Variants in PFKL observed in about 807,000 individuals in gnomAD.
PFKL encodes the protein ATP-dependent 6-phosphofructokinase, liver type.
PFKL carries 74 observed loss-of-function variants against 92.1 expected under a neutral mutation model. That is an observed-to-expected ratio of 0.80 (90% CI 0.67 to 0.97). PFKL has a LOEUF of 0.97. PFKL is among the 50% of genes least tolerant of loss of function. PFKL has a pLI of 0.00. For synonymous variants in PFKL, 494 were observed against 456.4 expected (o/e 1.08, Z -1.05); for missense variants, 1,028 against 1,116.6 (o/e 0.92, Z 1.13).
intron 7 of PFKL, chr21:44,314,968 CTCCCA>C (rs965922904): frequency 6.6e-6 from 1 of 152,250 alleles, no homozygotes; most frequent in African/African-American, 2.4e-5. Flanking sequence ...GGCAGCGTCA[CTCCCA>C]TCTGTGTGGA....
intron 1 of PFKL, chr21:44,304,433 G>A (rs2040868652): frequency 1.6e-6 from 2 of 1,219,948 alleles, no homozygotes; most frequent in East Asian, 6.8e-5. Context: ...TCCTTGCCCT[G>A]CCTCAGCTGC....
intron 1 of PFKL, among the ~76,000 whole-genome samples, chr21:44,301,874 A>T (rs1043417258): frequency 1.3e-5 from 2 of 150,684 alleles, no homozygotes; most frequent in Non-Finnish European, 3.0e-5. Flanking sequence ...TGCCCCCCCC[A>T]CCCCCTGCCA....
intron 1 of PFKL, 52 bp downstream of exon 1, chr21:44,300,242 G>A: frequency 9.1e-6 from 8 of 883,246 alleles, no homozygotes; most frequent in Non-Finnish European, 1.1e-5. Context: ...GGGCGCCTCC[G>A]CCCTGGCCTC....
chr21:44,324,129 C>G (rs2047432269), intron 16 of PFKL, among the ~76,000 whole-genome samples: 1 of 152,146 alleles, frequency 6.6e-6, no homozygotes, highest in South Asian at 2.1e-4. Context: ...TTCCTCGCTA[C>G]TGTGATGAGC....
chr21:44,323,214 T>A (rs577610454), intron 15 of PFKL, among the ~76,000 whole-genome samples, 165 bp downstream of exon 15: 5 of 152,186 alleles, frequency 3.3e-5, no homozygotes, highest in Admixed American at 2.6e-4. Flanking sequence ...GGCACCCGTG[T>A]GCCAGCTGGG....
intron 1 of PFKL, chr21:44,304,368 A>G: frequency 2.3e-6 from 3 of 1,278,164 alleles, no homozygotes; most frequent in Non-Finnish European, 3.0e-6. Context: ...GGAGCTGGGG[A>G]GACCAGAGAG....
At chr21:44,305,136 G>C in intron 1 of PFKL, 1 of 816,622 alleles carries the variant, frequency 1.2e-6, no homozygotes, top group Non-Finnish European at 1.7e-6. Flanking sequence ...CCACCTGCTG[G>C]GCTCTGGAAG....
chr21:44,303,061 C>T (rs1050061878), intron 1 of PFKL, among the ~76,000 whole-genome samples: 16 of 152,132 alleles, frequency 1.1e-4, no homozygotes, highest in African/African-American at 2.4e-4. Context: ...GGTGAAACCT[C>T]GTCTCTACTA....
intron 1 of PFKL, among the ~76,000 whole-genome samples, chr21:44,303,442 A>AAGACTTGATCG (rs2040834951): frequency 6.9e-6 from 1 of 144,570 alleles, no homozygotes; most frequent in African/African-American, 2.6e-5. Flanking sequence ...CCAAAAAAAA[A>AAGACTTGATCG]AAAAAAAAAA....
chr21:44,327,139 T>A lies in PFKL; in HGVS notation c.*277T>A. 1 of 495,998 alleles carries A rather than the reference T, an allele frequency of 2.0e-6. No homozygotes were observed. The highest frequency in any genetic ancestry group is 1.9e-5 in the African/African-American group (1 of 51,948). The allele number at this position is 495,998 out of a possible 1,614,324, so 30.7% of individuals were successfully genotyped here. A position where few individuals can be genotyped will look rare whatever the true frequency, so the allele number is the denominator to read the frequency against. ...CGTGGCGCTGTCGGTGTTTGGAGGCTGCTGCCCCCTGGCTTTGGCGCCCCA... is the reference window on the plus strand; with the variant it reads ...CGTGGCGCTGTCGGTGTTTGGAGGCAGCTGCCCCCTGGCTTTGGCGCCCCA... On this transcript the variant is annotated 3_prime_UTR_variant, in exon 22 of 22. Transcript: ENST00000349048.
chr21:44,305,712 G>T, intron 1 of PFKL: 1 of 1,247,718 alleles, frequency 8.0e-7, no homozygotes, highest in South Asian at 1.3e-5. Context: ...GATATCTTTT[G>T]AGATGGGGGC....
At chr21:44,302,475 T>C (rs1407532816) in intron 1 of PFKL, among the ~76,000 whole-genome samples, 1 of 152,144 alleles carries the variant, frequency 6.6e-6, no homozygotes, top group African/African-American at 2.4e-5. Context: ...AGGCCACCAC[T>C]GCTGCTGCCG....
At chr21:44,311,982 C>T (rs1004819303) in intron 3 of PFKL, 123 bp from the exon 4 acceptor site, 2 of 737,234 alleles carry the variant, frequency 2.7e-6, no homozygotes, top group Non-Finnish European at 2.0e-6. Context: ...CCCGGGGCTT[C>T]TGCCTCTCAC....
At chr21:44,300,288 C>T in intron 1 of PFKL, 98 bp downstream of exon 1, 1 of 466,292 alleles carries the variant, frequency 2.1e-6, no homozygotes, top group Non-Finnish European at 2.9e-6. Flanking sequence ...ACCCGGGTCT[C>T]GGGCCGGCCC....
chr21:44,326,890 G>T lies in PFKL; in HGVS notation c.*28G>T, dbSNP rs968233823. 6.3e-7 allele frequency: 1 copy of T among 1,580,272 alleles called. No homozygotes were observed. The highest frequency in any genetic ancestry group is 1.7e-5 in the Admixed American group (1 of 57,504). On this transcript the variant is annotated 3_prime_UTR_variant, in exon 22 of 22. Coordinates refer to ENST00000349048, the MANE Select transcript of PFKL (RefSeq NM_002626.6). ...CCAGCCATGCCCACGCCCCTCCCCA[G>T]CCCCCACCCATGCCAGCGCAGCGCC...
At chr21:44,311,114 A>G in intron 3 of PFKL, 31 bp downstream of exon 3, 1 of 1,576,152 alleles carries the variant, frequency 6.3e-7, no homozygotes, top group Non-Finnish European at 8.7e-7. Context: ...TGCATGTTGC[A>G]CTTGGACTCG....
chr21:44,316,270 C>T lies in PFKL; in HGVS notation c.774C>T (p.Asn258=). The change falls in exon 8 of 22, where the codon AAC becomes AAT. Residue 258 remains asparagine, a synonymous_variant. Transcript: ENST00000349048. The stretch of plus-strand genomic sequence containing the variant: ...CTCGGAGCCGTGGGTCCCGACTGAA[C>T]ATCATCATCATCGCTGAGGGTGCCA... ...GETRSRGSRL[N]IIIIAEGAID... The T allele has an allele frequency of 3.7e-6, 6 of 1,612,760 alleles. No individual in the cohort carries two copies. The highest frequency in any genetic ancestry group is 1.1e-5 in the South Asian group (1 of 91,084).
intron 1 of PFKL, among the ~76,000 whole-genome samples, chr21:44,303,421 AAC>A (rs1179831520): frequency 1.4e-5 from 2 of 143,686 alleles, no homozygotes; most frequent in Admixed American, 1.4e-4. Context: ...AAAAAAAAAA[AAC>A]AGACTTGACC....
intron 7 of PFKL, 152 bp downstream of exon 7, chr21:44,314,173 G>C: frequency 1.6e-6 from 1 of 632,766 alleles, no homozygotes; most frequent in East Asian, 2.7e-5. Context: ...CACGCAAGGA[G>C]TGGGGGGCTA....
Sources: allele counts gnomAD v4.1 joint callset (sites outside exome capture counted in the v4.1 genomes callset), GRCh38; gene constraint gnomAD v4.1.1; transcripts MANE v1.5; gene names NCBI Gene and HGNC (gene_info 2026-07-23, HGNC 2026-07-21).